SLC39A10: variants seen among roughly 807,000 people sequenced by gnomAD.
SLC39A10 encodes solute carrier family 39 member 10, also known as zinc transporter ZIP10.
In SLC39A10, 13 loss-of-function variants were observed where a neutral mutation model predicts 65.1. The observed-to-expected ratio is 0.20, with a 90% CI of 0.13 to 0.32. The LOEUF is 0.32. Ranked by LOEUF, SLC39A10 falls within the 10% of genes least tolerant of loss-of-function variation. SLC39A10 has a pLI of 1.00. For synonymous variants in SLC39A10, 321 were observed against 342.2 expected (o/e 0.94, Z 0.68); for missense variants, 831 against 1,018.4 (o/e 0.82, Z 2.50).
At chr2:195,666,176 G>C (rs963019889) in intron 1 of SLC39A10, among the ~76,000 whole-genome samples, 9 of 152,036 alleles carry the variant, frequency 5.9e-5, no homozygotes, top group Non-Finnish European at 1.0e-4. Context: ...AAAATTAATT[G>C]GACAGAAAGC....
chr2:195,636,276 A>AT (rs1688695093), intron 2 of SLC39A10, among the ~76,000 whole-genome samples: 1 of 152,132 alleles, frequency 6.6e-6, no homozygotes, highest in Non-Finnish European at 1.5e-5. Context: ...GCTTCTTGAC[A>AT]TTTTTTTCTT....
At chr2:195,653,657 T>C (rs1689086007), upstream of SLC39A10, among the ~76,000 whole-genome samples, 1 of 152,256 alleles carries the variant, frequency 6.6e-6, no homozygotes, top group Non-Finnish European at 1.5e-5. Context: ...ATTCCCATCA[T>C]GCCTGGTACT....
intron 2 of SLC39A10, among the ~76,000 whole-genome samples, chr2:195,622,943 G>A (rs547901861): frequency 1.4e-3 from 192 of 135,512 alleles, no homozygotes; most frequent in African/African-American, 4.8e-3. Flanking sequence ...CTGCACTCCA[G>A]CCTGGGTGAC....
intron 2 of SLC39A10, among the ~76,000 whole-genome samples, chr2:195,650,454 T>G (rs1424972075): frequency 6.6e-6 from 1 of 152,102 alleles, no homozygotes; most frequent in East Asian, 1.9e-4. Context: ...CCTGGTCTCA[T>G]CTGTATTTTC....
Position 195,735,106 on chromosome 2 carries a change from A to G in SLC39A10, c.*65A>G, listed in dbSNP as rs2105855212. ...ATGCAGCTTTGCATCTGTTCCTTGT[A>G]CTGTATGCACATTGCTCAAAGGAAA... On this transcript the variant is annotated 3_prime_UTR_variant, in exon 10 of 10. Coordinates refer to ENST00000359634, the MANE Select transcript of SLC39A10 (RefSeq NM_020342.3). 1 of 1,501,330 alleles carries G rather than the reference A, an allele frequency of 6.7e-7. No homozygotes were observed. 93.0% of individuals were successfully genotyped at this position (1,501,330 alleles called of 1,614,324 possible).
intron 5 of SLC39A10, among the ~76,000 whole-genome samples, chr2:195,710,306 T>A (rs1328337289): frequency 6.6e-6 from 1 of 152,226 alleles, no homozygotes; most frequent in African/African-American, 2.4e-5. Flanking sequence ...ACAGTGATTA[T>A]CTTCAGTATA....
intron 3 of SLC39A10, among the ~76,000 whole-genome samples, chr2:195,689,221 G>GCAA (rs1372243789): frequency 6.6e-6 from 1 of 152,052 alleles, no homozygotes; most frequent in African/African-American, 2.4e-5. Context: ...ACTAGCCTGG[G>GCAA]CAACATAAGG....
In SLC39A10 at chr2:195,680,714, T is replaced by A. The variant is rs1001054464; in HGVS notation, c.672T>A (p.Ser224=). 1 of 1,613,890 alleles carries A rather than the reference T, an allele frequency of 6.2e-7. No individual in the cohort carries two copies. The highest frequency in any genetic ancestry group is 8.5e-7 in the Non-Finnish European group (1 of 1,179,990). Residue 224 remains serine, a synonymous_variant, in exon 2 of 10, where the codon TCT becomes TCA. Transcript: ENST00000359634. ...AGACCAATAAAACCCAGGAACAATC[T>A]GATGTTAAACTACCGAAAGGAAAGA... ...STETNKTQEQ[S]DVKLPKGKRK...
Position 195,666,292 on chromosome 2 carries a change from C to T in SLC39A10, c.-12+9011C>T, listed in dbSNP as rs7561838. Among the ~76,000 whole-genome samples, 1,066 of 151,888 alleles carry T rather than the reference C, an allele frequency of 7.0e-3. 16 individuals are homozygous for T. The highest frequency in any genetic ancestry group is 0.024 in the African/African-American group (1,001 of 41,404). ...TTTTTTGATTATTTTTTTCCCATGACGTCATGGAAAAGAAGGATCATTTTA... is the reference window on the plus strand; with the variant it reads ...TTTTTTGATTATTTTTTTCCCATGATGTCATGGAAAAGAAGGATCATTTTA... On this transcript the variant is annotated intron_variant, in intron 1 of 9. Coordinates refer to ENST00000359634, the MANE Select transcript of SLC39A10 (RefSeq NM_020342.3).
intron 2 of SLC39A10, among the ~76,000 whole-genome samples, chr2:195,640,342 A>G (rs1163242954): frequency 4.4e-5 from 2 of 45,382 alleles, no homozygotes; most frequent in South Asian, 1.5e-3. Context: ...CATTAAAAGA[A>G]AAAAAAAAAA....
At chr2:195,650,940 T>C (rs1689017124) in intron 2 of SLC39A10, among the ~76,000 whole-genome samples, 1 of 91,446 alleles carries the variant, frequency 1.1e-5, no homozygotes, top group Non-Finnish European at 2.9e-5. Flanking sequence ...AAATCCCAGC[T>C]ACTGTGGGTG....
intron 3 of SLC39A10, among the ~76,000 whole-genome samples, chr2:195,706,201 C>G (rs147683362): frequency 2.0e-5 from 3 of 151,892 alleles, no homozygotes; most frequent in Non-Finnish European, 4.4e-5. Context: ...GATTGTAACA[C>G]GTTAAATAGA....
At chr2:195,650,294 A>AG (rs1246125289) in intron 2 of SLC39A10, among the ~76,000 whole-genome samples, 3 of 105,802 alleles carry the variant, frequency 2.8e-5, no homozygotes, top group African/African-American at 1.0e-4. Flanking sequence ...AAAAAAAAAA[A>AG]AAAAGAAAAG....
intron 2 of SLC39A10, among the ~76,000 whole-genome samples, chr2:195,681,361 C>A (rs1690309860): frequency 6.6e-6 from 1 of 151,982 alleles, no homozygotes; most frequent in Non-Finnish European, 1.5e-5. Flanking sequence ...CCCGTCTCTA[C>A]TAAAAATACA....
chr2:195,679,070 A>G (rs1690204935), intron 1 of SLC39A10, among the ~76,000 whole-genome samples: 1 of 152,192 alleles, frequency 6.6e-6, no homozygotes, highest in Non-Finnish European at 1.5e-5. Context: ...TGAGCAATTA[A>G]AACATAGTCA....
At chr2:195,674,759 T>C (rs1690016667) in intron 1 of SLC39A10, 1 of 573,234 alleles carries the variant, frequency 1.7e-6, no homozygotes, top group Non-Finnish European at 2.2e-6. Context: ...ACCTAGATGG[T>C]GTAGCCTGCT....
At chr2:195,724,777 C>CT (rs11376813) in intron 8 of SLC39A10, among the ~76,000 whole-genome samples, 3,447 of 152,016 alleles carry the variant, frequency 0.023, 112 homozygotes, top group African/African-American at 0.079. Flanking sequence ...ATCCAGCAGG[C>CT]TTTTTTGCAG....
In SLC39A10 at chr2:195,701,793, C is replaced by T. The variant is rs905642354; in HGVS notation, c.1217-4823C>T. Among the ~76,000 whole-genome samples, 37 of 151,820 alleles carry T rather than the reference C, an allele frequency of 2.4e-4. 2 individuals carry two copies. Among genetic ancestry groups the T allele is most frequent in the Admixed American group, 1.7e-3 (26 of 15,238 alleles). ...ACCTTCTGGGCTCAGGTGATCCTCC[C>T]GCCTCAGCCTCCAGAGTAGCTGGAA... On this transcript the variant is annotated intron_variant, in intron 3 of 9. Transcript: ENST00000359634.
chr2:195,636,994 T>C (rs932082991), intron 2 of SLC39A10, among the ~76,000 whole-genome samples: 22 of 152,268 alleles, frequency 1.4e-4, no homozygotes, highest in African/African-American at 5.1e-4. Context: ...GCCTCCCCTA[T>C]GTACCTAATT....
Sources: allele counts gnomAD v4.1 joint callset (sites outside exome capture counted in the v4.1 genomes callset), GRCh38; gene constraint gnomAD v4.1.1; transcripts MANE v1.5; gene names NCBI Gene and HGNC (gene_info 2026-07-23, HGNC 2026-07-21).